The following AKAP13 variants were observed in gnomAD, a reference collection of about 807,000 sequenced individuals.
AKAP13 encodes A-kinase anchoring protein 13.
A neutral mutation model predicts 264.5 loss-of-function variants in AKAP13; 80 were observed. The ratio of observed to expected loss-of-function variants is 0.30; its 90% CI spans 0.25 to 0.36. The LOEUF is 0.36. Among genes scored for constraint, AKAP13 ranks in the 10% least tolerant of loss-of-function variants. The pLI is 1.00. For synonymous variants in AKAP13, 1,380 were observed against 1,250.2 expected (o/e 1.10, Z -2.19); for missense variants, 3,712 against 3,435.2 (o/e 1.08, Z -2.01).
chr15:85,452,497 TG>T (rs2074127864), intron 1 of AKAP13, among the ~76,000 whole-genome samples: 1 of 152,322 alleles, frequency 6.6e-6, no homozygotes, highest in Admixed American at 6.5e-5. Context: ...TCAGTGTGTG[TG>T]GGTATTACTT....
Position 85,735,561 on chromosome 15 carries a change from A to G in AKAP13, c.7443A>G (p.Gly2481=). Reference sequence around the variant, plus strand: ...AAAACAACCCTATTTTTTGTTTAGGAGGCGAGAAGGAAGAGGGAGATGATG... The same window carrying G: ...AAAACAACCCTATTTTTTGTTTAGGGGGCGAGAAGGAAGAGGGAGATGATG... ...FDSHQMNASK[G]GEKEEGDDGQ... is the part of the protein sequence containing the mutation. Residue 2481 remains glycine (G), a splice_region_variant and synonymous_variant, in exon 32 of 37, where the codon GGA becomes GGG. Transcript: ENST00000394518. The G allele has an allele frequency of 6.2e-7, 1 of 1,601,038 alleles. No homozygotes were observed. Among genetic ancestry groups the G allele is most frequent in the Non-Finnish European group, 8.5e-7 (1 of 1,176,030 alleles).
At chr15:85,566,268 G>A (rs182422519) in intron 5 of AKAP13, among the ~76,000 whole-genome samples, 19 of 152,312 alleles carry the variant, frequency 1.2e-4, no homozygotes, top group East Asian at 1.9e-4. Flanking sequence ...TACATAAGAT[G>A]ATGGTGCCTT....
rs114643212 is a variant in AKAP13, at chr15:85,719,314, G to A, written c.6240G>A (p.Val2080=). ...TTCTCATCAAGAGGATAGGGGATGT[G>A]CTTGTAAATCAGGTGAGAATGGGAA... is the stretch of plus-strand genomic sequence containing the variant. ...KNFLIKRIGD[V]LVNQFSGENA... The change falls in exon 23 of 37, where the codon GTG becomes GTA. Residue 2080 remains valine, a synonymous_variant. Transcript: ENST00000394518. 3.5e-3 allele frequency: 5,604 copies of A among 1,614,182 alleles called. 16 individuals are homozygous for A. Among genetic ancestry groups the A allele is most frequent in the Non-Finnish European group, 4.0e-3 (4,711 of 1,180,028 alleles).
intron 13 of AKAP13, among the ~76,000 whole-genome samples, chr15:85,668,543 A>G (rs769142456): frequency 2.0e-5 from 3 of 152,244 alleles, no homozygotes; most frequent in Non-Finnish European, 2.9e-5. Flanking sequence ...TAGAATCACT[A>G]TCATCTTAGA....
intron 1 of AKAP13, among the ~76,000 whole-genome samples, chr15:85,434,911 C>T (rs1330997839): frequency 4.6e-5 from 7 of 150,932 alleles, no homozygotes; most frequent in East Asian, 1.9e-4. Flanking sequence ...AAATGCAGAG[C>T]GCCTCTCCTC....
chr15:85,483,917 ATTC>A lies in AKAP13; in HGVS notation c.-11-1783_-11-1781del, dbSNP rs537797860. On this transcript the variant is annotated intron_variant, in intron 1 of 36. Transcript: ENST00000394518. Reference sequence around the variant, plus strand: ...TATATTTTATGTGTGGCGCAACACAATTCTTCTTCTTCCAGCGTGGCCCAGGGA... The same window carrying A: ...TATATTTTATGTGTGGCGCAACACAATTCTTCTTCCAGCGTGGCCCAGGGA... Among the ~76,000 whole-genome samples, 98 of 152,310 alleles carry A rather than the reference ATTC, an allele frequency of 6.4e-4. No individual in the cohort carries two copies. In the South Asian group the frequency reaches 8.3e-3, roughly 13 times the overall value.
intron 14 of AKAP13, among the ~76,000 whole-genome samples, chr15:85,677,647 GTTT>G (rs71891857): frequency 7.3e-6 from 1 of 136,702 alleles, no homozygotes; most frequent in Non-Finnish European, 1.6e-5. Context: ...TGTGTGTTGT[GTTT>G]TTTTTTTTTT....
chr15:85,465,947 G>A (rs1007373548), intron 1 of AKAP13, among the ~76,000 whole-genome samples: 53 of 149,868 alleles, frequency 3.5e-4, no homozygotes, highest in Non-Finnish European at 7.4e-5. Context: ...CACAATGGTT[G>A]AACTAGTTTA....
At position 85,515,636 on chromosome 15, in the gene AKAP13, T is replaced by C. The variant is rs945118804; in HGVS notation, c.34-5792T>C. Among the ~76,000 whole-genome samples, 3 of 138,626 alleles carry C rather than the reference T, an allele frequency of 2.2e-5. 1 individual carries two copies. Among genetic ancestry groups the C allele is most frequent in the Non-Finnish European group, 4.6e-5 (3 of 64,746 alleles). 90.9% of individuals were successfully genotyped at this position (138,626 alleles called of 152,430 possible). A position where few individuals can be genotyped will look rare whatever the true frequency, so the allele number is the denominator to read the frequency against. On this transcript the variant is annotated intron_variant, in intron 2 of 36. Transcript: ENST00000394518. ...TCTTTACTCTGGAACAGGACCTCAA[T>C]CTTTGTCTTTTGTTAATGACATTTT...
intron 8 of AKAP13, among the ~76,000 whole-genome samples, chr15:85,613,581 T>G (rs1291526503): frequency 6.6e-6 from 1 of 150,644 alleles, no homozygotes; most frequent in African/African-American, 2.4e-5. Context: ...CTCAGGAGGC[T>G]GAGGCAGGAG....
intron 8 of AKAP13, among the ~76,000 whole-genome samples, chr15:85,605,726 A>G (rs2080294461): frequency 6.6e-6 from 1 of 152,244 alleles, no homozygotes; most frequent in South Asian, 2.1e-4. Context: ...ACATATCTCA[A>G]GGATGGATAA....
At position 85,744,645 on chromosome 15, in the gene AKAP13, G is replaced by C. The variant is rs765677409; in HGVS notation, c.8410G>C (p.Val2804Leu). ...ATTTCCAGATGGTCCCGCGTCAGAA[G>C]TATCAGCAGAGGGTGAAGAGATCTT... ...SQPGDGPASE[V>L]SAEGEEIFC The change falls in exon 37 of 37, where the codon GTA becomes CTA. Residue 2804 changes from valine (V) to leucine (L), a missense_variant. By Grantham distance (32) the Val-to-Leu change is conservative. Transcript: ENST00000394518. The C allele has an allele frequency of 6.8e-6, 11 of 1,613,526 alleles. No individual in the cohort carries two copies. The East Asian group carries it at 2.2e-4, about 33-fold the overall frequency.
chr15:85,739,817 A>G (rs1337471957), intron 33 of AKAP13, among the ~76,000 whole-genome samples: 1 of 152,176 alleles, frequency 6.6e-6, no homozygotes, highest in African/African-American at 2.4e-5. Context: ...TTTTTCAGAA[A>G]TTTAGCCAAT....
Position 85,727,092 on chromosome 15 carries a change from A to G in AKAP13, c.6849A>G (p.Leu2283=). 6.2e-7 allele frequency: 1 copy of G among 1,614,186 alleles called. No homozygotes were observed. The highest frequency in any genetic ancestry group is 1.6e-4 in the Middle Eastern group (1 of 6,062). The change falls in exon 28 of 37, where the codon TTA becomes TTG. Residue 2283 remains leucine (L), a synonymous_variant. Coordinates refer to ENST00000394518, the MANE Select transcript of AKAP13 (RefSeq NM_007200.5). This position sits in a 1 kb window ranked among gnomAD's most constrained non-coding sequence, Gnocchi z 5.3. ...ACCAGAAGTCAACAGTGATCTCTTT[A>G]AAGAAGCTGATTGTGAGAGAAGTGG... ...SLDQKSTVIS[L]KKLIVREVAH...
At chr15:85,659,603 G>A (rs759025027) in intron 12 of AKAP13, among the ~76,000 whole-genome samples, 7 of 140,000 alleles carry the variant, frequency 5.0e-5, no homozygotes, top group Non-Finnish European at 1.1e-4. Context: ...TTCAGTAGAA[G>A]GTTCTTTGGA....
intron 13 of AKAP13, among the ~76,000 whole-genome samples, chr15:85,667,436 A>G (rs2151556957): frequency 6.6e-6 from 1 of 152,354 alleles, no homozygotes; most frequent in East Asian, 1.9e-4. Context: ...ACTCAGCCTA[A>G]TGGTAACAGA....
chr15:85,504,525 A>AG (rs2076141010), intron 2 of AKAP13, among the ~76,000 whole-genome samples: 1 of 145,830 alleles, frequency 6.9e-6, no homozygotes, highest in Non-Finnish European at 1.5e-5. Flanking sequence ...AAAAAAAAAA[A>AG]AAAAAAAAAA....
chr15:85,495,985 A>G (rs1398940380), intron 2 of AKAP13, among the ~76,000 whole-genome samples: 1 of 152,158 alleles, frequency 6.6e-6, no homozygotes, highest in African/African-American at 2.4e-5. Flanking sequence ...GTTCCTTATG[A>G]TATTGTTCTG....
chr15:85,628,505 T>A (rs1395094453), intron 8 of AKAP13, among the ~76,000 whole-genome samples: 2 of 152,196 alleles, frequency 1.3e-5, no homozygotes, highest in Non-Finnish European at 2.9e-5. Flanking sequence ...GAAGCCTAAT[T>A]CAGAAGAGAG....
Sources: gnomAD v4.1 joint callset for allele counts (sites outside exome capture counted in the v4.1 genomes callset) on GRCh38, gnomAD v4.1.1 for gene constraint, Gnocchi (gnomAD v3.1) non-coding constraint, MANE v1.5 for transcripts, NCBI Gene and HGNC (gene_info 2026-07-23, HGNC 2026-07-21) for gene names.